The following TRPC6 variants were observed in gnomAD, a reference collection of about 807,000 sequenced individuals.
The protein encoded by TRPC6 is short transient receptor potential channel 6.
A neutral mutation model predicts 90.7 loss-of-function variants in TRPC6; 55 were observed. The observed-to-expected ratio is 0.61, with a 90% CI of 0.49 to 0.76. The LOEUF (loss-of-function observed/expected upper bound fraction) is 0.76, where lower values mean the gene tolerates loss of function less well. Among genes scored for constraint, TRPC6 ranks in the 30% least tolerant of loss-of-function variants. The probability of loss-of-function intolerance (pLI) is 0.00; values close to 1 mark genes in which losing one functional copy is unlikely to be tolerated. For missense variants in TRPC6, 989 were observed against 1,122.7 expected (o/e 0.88, Z 1.70); for synonymous variants, 393 against 393.0 (o/e 1.00, Z 0.00).
chr11:101,472,351 A>G lies in TRPC6; in HGVS notation c.2010-19T>C. 4 of 1,604,222 alleles carry G rather than the reference A, an allele frequency of 2.5e-6. No homozygotes were observed. The highest frequency in any genetic ancestry group is 3.4e-6 in the Non-Finnish European group (4 of 1,173,010). ...TTCAACTCTGGGGAAAAAATAACAG[A>G]AGAAAAGAAATAAGAAAGTGTATAA... On this transcript the variant is annotated intron_variant, in intron 7 of 12. Coordinates refer to ENST00000344327, the MANE Select transcript of TRPC6 (RefSeq NM_004621.6).
chr11:101,456,824 C>T (rs1341394770), intron 10 of TRPC6, among the ~76,000 whole-genome samples: 1 of 151,986 alleles, frequency 6.6e-6, no homozygotes, highest in Non-Finnish European at 1.5e-5. Context: ...TAGTTTTTTT[C>T]TAAGTATTAA....
rs143928017 is a variant in TRPC6 at position 101,487,805 on chromosome 11, A to G, written c.1293+1132T>C. 5.4e-3 allele frequency among the ~76,000 whole-genome samples: 817 copies of G among 152,270 alleles called. 4 individuals carry two copies. The highest frequency in any genetic ancestry group is 0.019 in the African/African-American group (778 of 41,566). ...CTATGATGATGGATTTTACTCTCAT[A>G]AGAAAATGTCCAGTTTCCTGTAATT... On this transcript the variant is annotated intron_variant, in intron 4 of 12. Transcript: ENST00000344327.
At chr11:101,501,316 G>A (rs1322367404) in intron 2 of TRPC6, among the ~76,000 whole-genome samples, 1 of 151,570 alleles carries the variant, frequency 6.6e-6, no homozygotes, top group African/African-American at 2.4e-5. Flanking sequence ...TAGTGTATCA[G>A]TGTTTATTTC....
intron 2 of TRPC6, among the ~76,000 whole-genome samples, chr11:101,501,180 T>C (rs1860113852): frequency 6.6e-6 from 1 of 151,922 alleles, no homozygotes; most frequent in Non-Finnish European, 1.5e-5. Flanking sequence ...CTCAGGTCCC[T>C]GTGAGGCTGA....
At chr11:101,466,156 A>C (rs1319254026) in intron 10 of TRPC6, among the ~76,000 whole-genome samples, 1 of 152,028 alleles carries the variant, frequency 6.6e-6, no homozygotes, top group African/African-American at 2.4e-5. Flanking sequence ...CTTCGTCCCA[A>C]AGGGGCACCT....
intron 7 of TRPC6, among the ~76,000 whole-genome samples, chr11:101,472,891 GGCT>G (rs1859324944): frequency 6.6e-6 from 1 of 152,004 alleles, no homozygotes; most frequent in Non-Finnish European, 1.5e-5. Flanking sequence ...GAAAACAGTA[GGCT>G]TACATTTCAG....
intron 1 of TRPC6, among the ~76,000 whole-genome samples, chr11:101,562,940 C>T (rs1327193190): frequency 3.9e-5 from 6 of 152,274 alleles, no homozygotes; most frequent in African/African-American, 4.8e-5. Context: ...ACGTGTAAAA[C>T]GCTTAGCATC....
At chr11:101,544,077 A>G (rs1861239404) in intron 1 of TRPC6, among the ~76,000 whole-genome samples, 1 of 152,248 alleles carries the variant, frequency 6.6e-6, no homozygotes, top group Non-Finnish European at 1.5e-5. Flanking sequence ...GAGGATATGA[A>G]CAGACACTTC....
At chr11:101,545,566 T>G (rs1781854655) in intron 1 of TRPC6, among the ~76,000 whole-genome samples, 1 of 152,192 alleles carries the variant, frequency 6.6e-6, no homozygotes, top group African/African-American at 2.4e-5. Flanking sequence ...TTCTTGAGAT[T>G]ATTAGATCGT....
intron 1 of TRPC6, among the ~76,000 whole-genome samples, chr11:101,523,426 A>G (rs1786367738): frequency 6.6e-6 from 1 of 152,232 alleles, no homozygotes; most frequent in South Asian, 2.1e-4. Context: ...TTCTTAGTCT[A>G]TATCATTTCT....
intron 12 of TRPC6, 87 bp downstream of exon 12, chr11:101,453,563 G>A (rs1354014097): frequency 1.9e-5 from 23 of 1,227,292 alleles, no homozygotes; most frequent in Middle Eastern, 1.9e-4. Context: ...CTCCCTGTAC[G>A]CATCTCTGCA....
chr11:101,560,076 T>A (rs1861680850), intron 1 of TRPC6, among the ~76,000 whole-genome samples: 1 of 152,124 alleles, frequency 6.6e-6, no homozygotes, highest in Non-Finnish European at 1.5e-5. Context: ...TCAATTTTGT[T>A]TCGGATCAAC....
chr11:101,460,438 TA>T (rs530681279), intron 10 of TRPC6, among the ~76,000 whole-genome samples: 1 of 152,256 alleles, frequency 6.6e-6, no homozygotes, highest in Non-Finnish European at 1.5e-5. Flanking sequence ...TACTGTTTTT[TA>T]AATTTGTATT....
intron 2 of TRPC6, among the ~76,000 whole-genome samples, chr11:101,492,344 G>A (rs1172188853): frequency 6.6e-6 from 1 of 152,150 alleles, no homozygotes; most frequent in Non-Finnish European, 1.5e-5. Flanking sequence ...CTCACTTTGG[G>A]AGGCTGAAGT....
At chr11:101,516,203 T>A (rs1306256000) in intron 1 of TRPC6, among the ~76,000 whole-genome samples, 2 of 152,142 alleles carry the variant, frequency 1.3e-5, no homozygotes, top group Non-Finnish European at 2.9e-5. Flanking sequence ...ATGAACTGAT[T>A]GATACATAGA....
intron 1 of TRPC6, among the ~76,000 whole-genome samples, chr11:101,556,800 T>C (rs1339089424): frequency 2.0e-5 from 3 of 152,014 alleles, no homozygotes; most frequent in Admixed American, 2.0e-4. Context: ...GATCCAAAAA[T>C]CTTCAACAAA....
Position 101,483,051 on chromosome 11 carries a change from G to GT in TRPC6, c.1407dup (p.Leu470ThrfsTer4). ...TCTGTGCTGGTTTCATTAGGAAGGA[G>GT]TTTTGTGCCTTCAAATCTGTCAGCT... On this transcript the variant is annotated frameshift_variant, in exon 5 of 13. Transcript: ENST00000344327. LOFTEE classifies it high-confidence loss of function. The GT allele has an allele frequency of 6.2e-7, 1 of 1,614,064 alleles. No homozygotes were observed. The highest frequency in any genetic ancestry group is 8.5e-7 in the Non-Finnish European group (1 of 1,179,944).
chr11:101,504,930 T>C (rs1453412954), intron 1 of TRPC6, 132 bp from the exon 2 acceptor site: 11 of 1,054,048 alleles, frequency 1.0e-5, no homozygotes, highest in Non-Finnish European at 1.4e-5. Flanking sequence ...CCTACTATAT[T>C]ATAAAATGAA....
intron 1 of TRPC6, among the ~76,000 whole-genome samples, chr11:101,564,311 A>T (rs953427593): frequency 6.6e-6 from 1 of 152,214 alleles, no homozygotes; most frequent in African/African-American, 2.4e-5. Context: ...GATTTTATAT[A>T]ACAATCATAT....
Sources: gnomAD v4.1 joint callset for allele counts (sites outside exome capture counted in the v4.1 genomes callset) on GRCh38, gnomAD v4.1.1 for gene constraint, MANE v1.5 for transcripts, NCBI Gene and HGNC (gene_info 2026-07-23, HGNC 2026-07-21) for gene names.